GPC6: variants seen among roughly 807,000 people sequenced by gnomAD.
The protein encoded by GPC6 is glypican-6.
A neutral mutation model predicts 55.2 loss-of-function variants in GPC6; 14 were observed. That is an observed-to-expected ratio of 0.25 (90% CI 0.17 to 0.40). The LOEUF (loss-of-function observed/expected upper bound fraction) is 0.40. GPC6 is among the 10% of genes least tolerant of loss of function. GPC6 has a pLI of 1.00. For missense variants in GPC6, 641 were observed against 708.5 expected (o/e 0.90, Z 1.08); for synonymous variants, 278 against 259.6 (o/e 1.07, Z -0.68).
intron 2 of GPC6, among the ~76,000 whole-genome samples, chr13:93,632,959 C>A (rs1879522894): frequency 6.6e-6 from 1 of 152,142 alleles, no homozygotes; most frequent in African/African-American, 2.4e-5. Flanking sequence ...CAGGTCATAT[C>A]AAGTAGGGAC....
intron 2 of GPC6, among the ~76,000 whole-genome samples, chr13:93,597,873 C>T (rs1052183295): frequency 7.2e-5 from 11 of 152,140 alleles, no homozygotes; most frequent in South Asian, 4.1e-4. Context: ...GGGCTGGGCG[C>T]GGTGGCTCAC....
At chr13:94,263,922 C>T (rs548715795) in intron 4 of GPC6, among the ~76,000 whole-genome samples, 1 of 152,264 alleles carries the variant, frequency 6.6e-6, no homozygotes, top group African/African-American at 2.4e-5. Context: ...TTTGACACCA[C>T]CAGAGAACTG....
chr13:94,222,111 C>T (rs1426196313), intron 4 of GPC6, among the ~76,000 whole-genome samples: 1 of 151,702 alleles, frequency 6.6e-6, no homozygotes, highest in Non-Finnish European at 1.5e-5. Flanking sequence ...GATATTAATT[C>T]TCATCCATTA....
intron 2 of GPC6, among the ~76,000 whole-genome samples, chr13:93,721,891 C>T (rs541258087): frequency 6.6e-5 from 10 of 151,500 alleles, no homozygotes; most frequent in African/African-American, 1.2e-4. Context: ...GTCAAAACAC[C>T]GATGGAAAGG....
chr13:93,996,595 CA>C (rs1205942445), intron 3 of GPC6, among the ~76,000 whole-genome samples: 1 of 152,018 alleles, frequency 6.6e-6, no homozygotes, highest in Non-Finnish European at 1.5e-5. Context: ...TTGAAAAAAG[CA>C]AACTGCTCTG....
intron 1 of GPC6, among the ~76,000 whole-genome samples, chr13:93,263,996 G>T (rs1046247067): frequency 6.6e-6 from 1 of 152,112 alleles, no homozygotes; most frequent in Non-Finnish European, 1.5e-5. Context: ...TTACGTGACG[G>T]TATCTGTGGA....
intron 2 of GPC6, among the ~76,000 whole-genome samples, chr13:93,705,941 A>C (rs1481278495): frequency 1.3e-5 from 2 of 151,732 alleles, no homozygotes; most frequent in Non-Finnish European, 2.9e-5. Context: ...AAACATGAAT[A>C]CATACAGAAA....
chr13:93,385,131 T>C (rs1395936809), intron 1 of GPC6, among the ~76,000 whole-genome samples: 1 of 152,198 alleles, frequency 6.6e-6, no homozygotes, highest in Non-Finnish European at 1.5e-5. Flanking sequence ...AGTCCTAGGC[T>C]GGGAAACCAT....
At chr13:93,643,803 C>T (rs532567216) in intron 2 of GPC6, among the ~76,000 whole-genome samples, 28 of 152,176 alleles carry the variant, frequency 1.8e-4, no homozygotes, top group African/African-American at 6.7e-4. Flanking sequence ...TTTAGGGTGA[C>T]GTATTCTGCC....
intron 4 of GPC6, among the ~76,000 whole-genome samples, chr13:94,254,848 C>T (rs1005836630): frequency 6.6e-6 from 1 of 152,074 alleles, no homozygotes; most frequent in Non-Finnish European, 1.5e-5. Context: ...ACATTTTAAC[C>T]TTCTGTAGTC....
chr13:94,085,459 G>T (rs1429705486), intron 4 of GPC6, among the ~76,000 whole-genome samples: 10 of 152,070 alleles, frequency 6.6e-5, no homozygotes, highest in African/African-American at 2.4e-4. Flanking sequence ...AACTTGCATT[G>T]CCAGTTTTTG....
At chr13:93,437,679 G>A (rs1316954799) in intron 1 of GPC6, among the ~76,000 whole-genome samples, 1 of 152,154 alleles carries the variant, frequency 6.6e-6, no homozygotes, top group Admixed American at 6.6e-5. Context: ...ATTGAAGGAA[G>A]GAAGCCATCT....
chr13:93,755,335 T>C (rs1884732142), intron 2 of GPC6, among the ~76,000 whole-genome samples: 1 of 152,116 alleles, frequency 6.6e-6, no homozygotes, highest in Non-Finnish European at 1.5e-5. Flanking sequence ...CTGGAGGCCA[T>C]GGTGGCCCCC....
intron 3 of GPC6, among the ~76,000 whole-genome samples, chr13:93,956,121 C>G (rs978818313): frequency 6.6e-6 from 1 of 152,038 alleles, no homozygotes; most frequent in African/African-American, 2.4e-5. Context: ...GCTCTCCAGT[C>G]CTCCTGCTGT....
At chr13:93,792,582 A>C (rs1886078445) in intron 2 of GPC6, among the ~76,000 whole-genome samples, 1 of 152,194 alleles carries the variant, frequency 6.6e-6, no homozygotes, top group African/African-American at 2.4e-5. Context: ...AAGTGCTGGG[A>C]TTACAGGCAT....
intron 3 of GPC6, among the ~76,000 whole-genome samples, chr13:93,894,225 C>T (rs188851304): frequency 6.6e-6 from 1 of 152,152 alleles, no homozygotes; most frequent in African/African-American, 2.4e-5. Flanking sequence ...CTGCTTAGTC[C>T]CAGGACATAA....
At position 94,146,933 on chromosome 13, in the gene GPC6, C is replaced by T. The variant is rs1348647046; in HGVS notation, c.877+119039C>T. Among the ~76,000 whole-genome samples, 5 of 152,212 alleles carry T rather than the reference C, an allele frequency of 3.3e-5. No individual in the cohort carries two copies. The South Asian group carries it at 8.3e-4, about 25-fold the overall frequency. On this transcript the variant is annotated intron_variant, in intron 4 of 8. Coordinates refer to ENST00000377047, the MANE Select transcript of GPC6 (RefSeq NM_005708.5). ...TATATTTCCACTGTTAACAGAAAAG[C>T]AATAAAATACTGCAAGGGAATTTTT...
intron 2 of GPC6, among the ~76,000 whole-genome samples, chr13:93,691,055 G>A (rs780203719): frequency 7.9e-5 from 12 of 151,852 alleles, no homozygotes; most frequent in African/African-American, 1.7e-4. Context: ...TGTCCAGAGC[G>A]GTTTTCTCTA....
At chr13:93,919,309 G>A (rs1475684082) in intron 3 of GPC6, among the ~76,000 whole-genome samples, 9 of 152,166 alleles carry the variant, frequency 5.9e-5, no homozygotes, top group Admixed American at 2.6e-4. Context: ...AATGCAGTCC[G>A]TTGTTAAGGA....
Sources: allele counts gnomAD v4.1 joint callset (sites outside exome capture counted in the v4.1 genomes callset), GRCh38; gene constraint gnomAD v4.1.1; transcripts MANE v1.5; gene names NCBI Gene and HGNC (gene_info 2026-07-23, HGNC 2026-07-21).